LEMD3: variants seen among roughly 807,000 people sequenced by gnomAD.
The protein encoded by LEMD3 is inner nuclear membrane protein Man1.
In LEMD3, 33 loss-of-function variants were observed where a neutral mutation model predicts 95.2. The observed-to-expected ratio is 0.35, with a 90% CI of 0.26 to 0.46. LEMD3 has a LOEUF of 0.46. LEMD3 is among the 20% of genes least tolerant of loss of function. The pLI is 1.00. For synonymous variants in LEMD3, 525 were observed against 474.6 expected (o/e 1.11, Z -1.38); for missense variants, 1,210 against 1,192.8 (o/e 1.01, Z -0.21).
intron 4 of LEMD3, among the ~76,000 whole-genome samples, chr12:65,220,768 G>A (rs1565793172): frequency 6.6e-6 from 1 of 152,128 alleles, no homozygotes; most frequent in East Asian, 1.9e-4. Flanking sequence ...TAAAGGTCCA[G>A]TTTGATTCTG....
At position 65,180,989 on chromosome 12, in the gene LEMD3, A is replaced by AACACACACACACACACACAC. The variant is rs71096029; in HGVS notation, c.1522+9873_1522+9892dup. On this transcript the variant is annotated intron_variant, in intron 1 of 12. Coordinates refer to ENST00000308330, the MANE Select transcript of LEMD3 (RefSeq NM_014319.5). Reference sequence around the variant, plus strand: ...TCATATATATCTGAGTATGTACACAAACACACACACACACACACACAATTT... The same window carrying AACACACACACACACACACAC: ...TCATATATATCTGAGTATGTACACAAACACACACACACACACACACACACACACACACACACACACAATTT... 1.6e-3 allele frequency among the ~76,000 whole-genome samples: 234 copies of AACACACACACACACACACAC among 149,282 alleles called. 1 individual carries two copies. Among genetic ancestry groups the AACACACACACACACACACAC allele is most frequent in the African/African-American group, 5.7e-3 (229 of 40,068 alleles).
intron 1 of LEMD3, among the ~76,000 whole-genome samples, chr12:65,197,832 G>A (rs1264459514): frequency 1.3e-5 from 2 of 152,032 alleles, no homozygotes; most frequent in South Asian, 2.1e-4. Flanking sequence ...GAATGGAGGG[G>A]AAACTACTAC....
chr12:65,217,805 T>C (rs142780756), intron 3 of LEMD3, among the ~76,000 whole-genome samples: 8 of 152,288 alleles, frequency 5.3e-5, no homozygotes, highest in African/African-American at 1.9e-4. Flanking sequence ...TGTTGGTCTG[T>C]TATAACAATT....
intron 1 of LEMD3, among the ~76,000 whole-genome samples, chr12:65,182,298 A>G (rs975828610): frequency 5.3e-5 from 8 of 152,186 alleles, no homozygotes; most frequent in Admixed American, 1.3e-4. Context: ...AGTAAAATCA[A>G]CTTTACTTCC....
At chr12:65,231,283 CAGAG>C (rs1460415334) in intron 4 of LEMD3, among the ~76,000 whole-genome samples, 3 of 152,154 alleles carry the variant, frequency 2.0e-5, no homozygotes, top group Admixed American at 6.5e-5. Context: ...AAAAGCAAAA[CAGAG>C]AGAGCTTTAA....
chr12:65,183,754 A>G lies in LEMD3; in HGVS notation c.1522+12636A>G, dbSNP rs181310180. On this transcript the variant is annotated intron_variant, in intron 1 of 12. Transcript: ENST00000308330. ...GGTGTAGTTTTGGCACTGCTCAGCCAGTGACTTGTGATTTAATTTTTCCTT... is the reference window on the plus strand; with the variant it reads ...GGTGTAGTTTTGGCACTGCTCAGCCGGTGACTTGTGATTTAATTTTTCCTT... 1.3e-3 allele frequency among the ~76,000 whole-genome samples: 202 copies of G among 152,280 alleles called. 3 individuals carry two copies. The highest frequency in any genetic ancestry group is 5.1e-4 in the Non-Finnish European group (35 of 68,008).
At chr12:65,225,050 T>A (rs1470253057) in intron 4 of LEMD3, among the ~76,000 whole-genome samples, 1 of 152,158 alleles carries the variant, frequency 6.6e-6, no homozygotes. Context: ...ATTCTTAAAT[T>A]CAGTTATTCT....
intron 4 of LEMD3, among the ~76,000 whole-genome samples, 188 bp downstream of exon 4, chr12:65,218,807 G>A (rs1245531707): frequency 1.1e-5 from 1 of 94,210 alleles, no homozygotes; most frequent in Non-Finnish European, 2.0e-5. Context: ...TTTTTTTTGT[G>A]AGACACAGTT....
At chr12:65,211,324 T>C (rs910514020) in intron 2 of LEMD3, among the ~76,000 whole-genome samples, 9 of 152,192 alleles carry the variant, frequency 5.9e-5, no homozygotes, top group Non-Finnish European at 1.2e-4. Flanking sequence ...GTTGGATACC[T>C]TAGCAGTTTT....
At chr12:65,245,472 GA>G (rs1871077941) in intron 10 of LEMD3, 196 bp from the exon 11 acceptor site, 1 of 557,222 alleles carries the variant, frequency 1.8e-6, no homozygotes, top group Non-Finnish European at 3.2e-6. Context: ...AAAGTGGGAG[GA>G]GGGCTGAGAC....
chr12:65,177,855 T>C (rs935847058), intron 1 of LEMD3, among the ~76,000 whole-genome samples: 6 of 151,586 alleles, frequency 4.0e-5, no homozygotes, highest in African/African-American at 1.5e-4. Flanking sequence ...TTTTTTTTTT[T>C]CAATATGAGA....
At chr12:65,190,501 C>A (rs1316671050) in intron 1 of LEMD3, among the ~76,000 whole-genome samples, 1 of 152,182 alleles carries the variant, frequency 6.6e-6, no homozygotes, top group African/African-American at 2.4e-5. Flanking sequence ...CCCTTCCTTT[C>A]TATACATCAT....
intron 1 of LEMD3, among the ~76,000 whole-genome samples, chr12:65,206,285 C>T (rs1788128932): frequency 6.6e-6 from 1 of 152,012 alleles, no homozygotes; most frequent in Admixed American, 6.6e-5. Flanking sequence ...AATGTAACTG[C>T]CTAGATGAAT....
intron 1 of LEMD3, among the ~76,000 whole-genome samples, chr12:65,196,520 G>A (rs984612545): frequency 2.0e-5 from 3 of 150,838 alleles, no homozygotes; most frequent in Admixed American, 6.6e-5. Flanking sequence ...ATTGGCTGAC[G>A]TTCCAGATGG....
chr12:65,192,903 A>T (rs956950829), intron 1 of LEMD3, among the ~76,000 whole-genome samples: 1 of 152,220 alleles, frequency 6.6e-6, no homozygotes, highest in Middle Eastern at 3.2e-3. Flanking sequence ...GTATTATAAC[A>T]TAAAACAAAG....
chr12:65,196,690 G>C (rs1003371504), intron 1 of LEMD3, among the ~76,000 whole-genome samples: 1 of 151,536 alleles, frequency 6.6e-6, no homozygotes, highest in African/African-American at 2.4e-5. Context: ...AATGCTCATA[G>C]TCAAGAGAAT....
At chr12:65,196,590 A>C (rs1869437973) in intron 1 of LEMD3, among the ~76,000 whole-genome samples, 1 of 152,056 alleles carries the variant, frequency 6.6e-6, no homozygotes. Flanking sequence ...TCTCAAACTT[A>C]CCTAACTTAC....
intron 1 of LEMD3, among the ~76,000 whole-genome samples, chr12:65,196,878 C>T (rs1219954233): frequency 6.6e-6 from 1 of 152,046 alleles, no homozygotes; most frequent in Non-Finnish European, 1.5e-5. Context: ...AACACTAGAA[C>T]TATTAAAAGA....
In LEMD3 at chr12:65,246,262, T is replaced by C. The variant is rs548156782; in HGVS notation, c.2673T>C (p.His891=). The stretch of plus-strand genomic sequence containing the variant: ...CTCCATTGAAGCCATCAAATAAACA[T>C]ATGAACTCCATGTCTCATCTTCGTC... ...SNTPLKPSNK[H]MNSMSHLRLR... The change falls in exon 13 of 13, where the codon CAT becomes CAC. Residue 891 remains histidine (H), a synonymous_variant. Coordinates refer to ENST00000308330, the MANE Select transcript of LEMD3 (RefSeq NM_014319.5). The C allele has an allele frequency of 1.9e-6, 3 of 1,613,540 alleles. No homozygotes were observed. The highest frequency in any genetic ancestry group is 1.1e-5 in the South Asian group (1 of 91,064).
Sources: gnomAD v4.1 joint callset for allele counts (sites outside exome capture counted in the v4.1 genomes callset) on GRCh38, gnomAD v4.1.1 for gene constraint, MANE v1.5 for transcripts, NCBI Gene and HGNC (gene_info 2026-07-23, HGNC 2026-07-21) for gene names.